Variants in CCDC149 observed in about 807,000 individuals in gnomAD.
CCDC149 encodes the protein coiled-coil domain-containing protein 149.
Under a neutral mutation model 59.9 loss-of-function variants are expected in CCDC149, and 45 were observed. That is an observed-to-expected ratio of 0.75 (90% CI 0.59 to 0.96). The LOEUF is 0.96. CCDC149 is among the 40% of genes least tolerant of loss of function. The pLI, the probability that CCDC149 is intolerant of heterozygous loss-of-function variation, is 0.00. For missense variants in CCDC149, 584 were observed against 664.7 expected, an observed-to-expected ratio of 0.88 and a Z score of 1.33; for synonymous variants, 245 against 260.6, an observed-to-expected ratio of 0.94 and a Z score of 0.58.
At chr4:24,822,630 C>A (rs1715484817) in intron 9 of CCDC149, 57 bp from the exon 10 acceptor site, 2 of 1,246,288 alleles carry the variant, frequency 1.6e-6, no homozygotes, top group Non-Finnish European at 2.2e-6. Context: ...AGCCCCCAGC[C>A]CTGGGAATCC....
chr4:24,816,939 G>A (rs939761684), intron 12 of CCDC149, among the ~76,000 whole-genome samples: 2 of 152,150 alleles, frequency 1.3e-5, no homozygotes, highest in Non-Finnish European at 2.9e-5. Context: ...CCTCCCAAGC[G>A]CGCGCTGCTT....
intron 1 of CCDC149, among the ~76,000 whole-genome samples, chr4:24,877,164 T>C (rs919895437): frequency 2.8e-5 from 4 of 144,746 alleles, no homozygotes; most frequent in Non-Finnish European, 6.1e-5. Flanking sequence ...TAAACCTATA[T>C]GGTTTTTTGT....
intron 1 of CCDC149, among the ~76,000 whole-genome samples, chr4:24,934,528 C>T (rs1032785598): frequency 1.3e-5 from 2 of 152,234 alleles, no homozygotes; most frequent in Admixed American, 1.3e-4. Context: ...TCTGCATTCT[C>T]TTGGTCAAAG....
In CCDC149 at chr4:24,806,940, C is replaced by T. The variant is rs1429046737; in HGVS notation, c.*1449G>A. The T allele has an allele frequency of 6.5e-6, 1 of 152,932 alleles. No individual in the cohort carries two copies. Among genetic ancestry groups the T allele is most frequent in the Non-Finnish European group, 1.5e-5 (1 of 68,070 alleles). The allele number at this position is 152,932 out of a possible 1,614,324, so 9.5% of individuals were successfully genotyped here. A position where few individuals can be genotyped will look rare whatever the true frequency, so the allele number is the denominator to read the frequency against. On this transcript the variant is annotated 3_prime_UTR_variant, in exon 13 of 13. Transcript: ENST00000635206. Reference sequence around the variant, plus strand: ...GCCCATTCTGCTAGCAGAGTGATTCCTGGAGATGCAATCTGGGAGGGATGT... The same window carrying T: ...GCCCATTCTGCTAGCAGAGTGATTCTTGGAGATGCAATCTGGGAGGGATGT...
intron 12 of CCDC149, among the ~76,000 whole-genome samples, chr4:24,815,158 C>G (rs969702965): frequency 6.6e-6 from 1 of 152,198 alleles, no homozygotes; most frequent in Non-Finnish European, 1.5e-5. Flanking sequence ...ATTAGTACAT[C>G]TCTTTAAATA....
intron 3 of CCDC149, among the ~76,000 whole-genome samples, chr4:24,861,249 T>TAATA (rs1560222825): frequency 7.2e-5 from 2 of 27,590 alleles, no homozygotes; most frequent in Admixed American, 4.0e-4. Context: ...AAATAATATG[T>TAATA]GATATATATA....
chr4:24,940,038 C>CAG (rs1467120379), intron 1 of CCDC149, among the ~76,000 whole-genome samples: 3 of 152,132 alleles, frequency 2.0e-5, no homozygotes, highest in South Asian at 4.1e-4. Context: ...TCAGGAAATA[C>CAG]AGAGAATGCC....
intron 1 of CCDC149, among the ~76,000 whole-genome samples, chr4:24,924,554 T>C (rs1722383370): frequency 6.6e-6 from 1 of 152,172 alleles, no homozygotes; most frequent in African/African-American, 2.4e-5. Context: ...GACACCTACT[T>C]TGGGAGGACC....
intron 9 of CCDC149, among the ~76,000 whole-genome samples, chr4:24,825,072 G>A (rs1397976220): frequency 6.6e-6 from 1 of 152,168 alleles, no homozygotes; most frequent in African/African-American, 2.4e-5. Context: ...GATAGGTGGA[G>A]AGAAGAGCAG....
chr4:24,883,417 A>G (rs1441665810), intron 1 of CCDC149, among the ~76,000 whole-genome samples: 1 of 135,070 alleles, frequency 7.4e-6, no homozygotes, highest in Non-Finnish European at 1.6e-5. Flanking sequence ...ACACTTACCC[A>G]TTCATTCAAC....
At chr4:24,946,114 C>G (rs1239896187) in intron 1 of CCDC149, among the ~76,000 whole-genome samples, 1 of 152,184 alleles carries the variant, frequency 6.6e-6, no homozygotes, top group Non-Finnish European at 1.5e-5. Context: ...CCTTGCTTGA[C>G]CAATCACTCT....
At chr4:24,849,999 T>C (rs1717551199) in intron 4 of CCDC149, among the ~76,000 whole-genome samples, 1 of 152,256 alleles carries the variant, frequency 6.6e-6, no homozygotes, top group Non-Finnish European at 1.5e-5. Context: ...TACATGTATC[T>C]GGGGTTAGTC....
chr4:24,835,041 G>A lies in CCDC149; in HGVS notation c.736-9C>T, dbSNP rs1716414347. ...CGTCTCTCCAGAGCATTCTAAAACA[G>A]GATTGGGAGAGAATAAAAACCCGTC... On this transcript the variant is annotated splice_polypyrimidine_tract_variant and intron_variant, in intron 7 of 12. Coordinates refer to ENST00000635206, the MANE Select transcript of CCDC149 (RefSeq NM_001330643.2). 1.2e-6 allele frequency: 2 copies of A among 1,606,288 alleles called. No homozygotes were observed. Among genetic ancestry groups the A allele is most frequent in the Non-Finnish European group, 1.7e-6 (2 of 1,173,552 alleles).
chr4:24,923,191 G>T (rs994577791), intron 1 of CCDC149, among the ~76,000 whole-genome samples: 1 of 152,218 alleles, frequency 6.6e-6, no homozygotes, highest in Non-Finnish European at 1.5e-5. Flanking sequence ...GTCACAGGCT[G>T]ATACTCACAG....
chr4:24,964,344 C>A (rs1723737594), intron 1 of CCDC149, among the ~76,000 whole-genome samples: 1 of 152,094 alleles, frequency 6.6e-6, no homozygotes, highest in Non-Finnish European at 1.5e-5. Context: ...CCTGTCCAAA[C>A]AACGGACAAA....
chr4:24,817,641 G>A (rs1185682802), intron 12 of CCDC149, among the ~76,000 whole-genome samples: 1 of 151,420 alleles, frequency 6.6e-6, no homozygotes, highest in Non-Finnish European at 1.5e-5. Context: ...TGGGTCAGAT[G>A]GGCGGTTCCG....
intron 3 of CCDC149, among the ~76,000 whole-genome samples, chr4:24,857,957 T>C (rs921366477): frequency 6.6e-6 from 1 of 152,128 alleles, no homozygotes. Flanking sequence ...TCCAAAACAA[T>C]AACTTTGAAA....
At chr4:24,945,151 G>T (rs1723071877) in intron 1 of CCDC149, among the ~76,000 whole-genome samples, 1 of 152,126 alleles carries the variant, frequency 6.6e-6, no homozygotes, top group Non-Finnish European at 1.5e-5. Context: ...GTCTAGGGTG[G>T]GGGCTGAGAA....
At chr4:24,883,842 T>C (rs1577448416) in intron 1 of CCDC149, among the ~76,000 whole-genome samples, 1 of 152,210 alleles carries the variant, frequency 6.6e-6, no homozygotes, top group South Asian at 2.1e-4. Context: ...GCAAAATAGC[T>C]GAGATTCAGA....
Sources: gnomAD v4.1 joint callset for allele counts (sites outside exome capture counted in the v4.1 genomes callset) on GRCh38, gnomAD v4.1.1 for gene constraint, MANE v1.5 for transcripts, NCBI Gene and HGNC (gene_info 2026-07-23, HGNC 2026-07-21) for gene names.